LRMDA: variants seen among roughly 807,000 people sequenced by gnomAD.
LRMDA encodes leucine-rich melanocyte differentiation-associated protein.
Under a neutral mutation model 29.8 loss-of-function variants are expected in LRMDA, and 18 were observed. The ratio of observed to expected loss-of-function variants is 0.60; its 90% CI spans 0.42 to 0.90. The LOEUF is 0.90. LRMDA is among the 40% of genes least tolerant of loss of function. The pLI, the probability that LRMDA is intolerant of heterozygous loss-of-function variation, is 0.00. For missense variants in LRMDA, 273 were observed against 273.9 expected (o/e 1.00, Z 0.02); for synonymous variants, 125 against 109.4 (o/e 1.14, Z -0.89).
intron 2 of LRMDA, among the ~76,000 whole-genome samples, chr10:76,022,532 T>C (rs1847991679): frequency 6.6e-6 from 1 of 152,126 alleles, no homozygotes; most frequent in African/African-American, 2.4e-5. Flanking sequence ...CAAGGCACCA[T>C]ATCAGGGAGT....
chr10:76,230,251 CAT>C (rs1265261888), intron 5 of LRMDA, among the ~76,000 whole-genome samples: 2 of 152,164 alleles, frequency 1.3e-5, no homozygotes, highest in Admixed American at 6.5e-5. Context: ...TGCTTCCACA[CAT>C]ATTCAAGTTT....
chr10:75,728,758 G>T (rs752488079), intron 2 of LRMDA, among the ~76,000 whole-genome samples: 6 of 152,066 alleles, frequency 3.9e-5, no homozygotes, highest in Non-Finnish European at 7.4e-5. Flanking sequence ...TCTAGGGCTG[G>T]GAGGCTTGAA....
At chr10:76,216,222 G>A (rs750533771) in intron 5 of LRMDA, among the ~76,000 whole-genome samples, 2 of 152,188 alleles carry the variant, frequency 1.3e-5, no homozygotes, top group Non-Finnish European at 2.9e-5. Flanking sequence ...TGGACATGGT[G>A]GCATGTGCCT....
intron 5 of LRMDA, among the ~76,000 whole-genome samples, chr10:76,146,824 C>A (rs543380800): frequency 6.6e-6 from 1 of 152,114 alleles, no homozygotes; most frequent in Non-Finnish European, 1.5e-5. Context: ...TGGCTGGTAC[C>A]GGTCGTTCCT....
rs190578971 is a variant in LRMDA, at chr10:76,477,976, G to C, written c.602-79233G>C. 6.0e-3 allele frequency among the ~76,000 whole-genome samples: 909 copies of C among 152,040 alleles called. 12 individuals are homozygous for C. The highest frequency in any genetic ancestry group is 0.02 in the African/African-American group (830 of 41,512). On this transcript the variant is annotated intron_variant, in intron 6 of 6. Coordinates refer to ENST00000611255, the MANE Select transcript of LRMDA (RefSeq NM_001305581.2). ...AGAAGAAAACCTAGGCAATACCATT[G>C]AGGACATAGGCACGGGCAAGGACTT...
At chr10:76,469,180 C>G (rs1842594033) in intron 6 of LRMDA, among the ~76,000 whole-genome samples, 1 of 152,144 alleles carries the variant, frequency 6.6e-6, no homozygotes, top group Non-Finnish European at 1.5e-5. Context: ...GAAGGAAGCT[C>G]TCTATTACAG....
chr10:75,785,650 G>A (rs1460261328), intron 2 of LRMDA, among the ~76,000 whole-genome samples: 11 of 152,146 alleles, frequency 7.2e-5, no homozygotes, highest in Admixed American at 7.2e-4. Flanking sequence ...GTCCACATTG[G>A]GTGTGATATT....
At chr10:76,135,018 C>T (rs1850067735) in intron 5 of LRMDA, among the ~76,000 whole-genome samples, 1 of 152,174 alleles carries the variant, frequency 6.6e-6, no homozygotes, top group Non-Finnish European at 1.5e-5. Flanking sequence ...ACTCTTCCAC[C>T]AGTTTAGTTG....
chr10:76,513,996 A>G (rs910748679), intron 6 of LRMDA, among the ~76,000 whole-genome samples: 1 of 152,170 alleles, frequency 6.6e-6, no homozygotes, highest in Non-Finnish European at 1.5e-5. Context: ...AACAAATAGT[A>G]TTAGGGTAAG....
At chr10:75,575,660 A>G (rs1202157962) in intron 2 of LRMDA, among the ~76,000 whole-genome samples, 2 of 152,098 alleles carry the variant, frequency 1.3e-5, no homozygotes, top group East Asian at 1.9e-4. Flanking sequence ...TGCATTTCCA[A>G]CTGAGGTACC....
intron 2 of LRMDA, among the ~76,000 whole-genome samples, chr10:75,618,129 C>T (rs970770057): frequency 6.6e-6 from 1 of 152,042 alleles, no homozygotes; most frequent in Admixed American, 6.6e-5. Context: ...ATGCAGTTCA[C>T]CTGCTGTATT....
chr10:76,121,633 T>G (rs1372680791), intron 5 of LRMDA, among the ~76,000 whole-genome samples: 1 of 152,212 alleles, frequency 6.6e-6, no homozygotes, highest in African/African-American at 2.4e-5. Flanking sequence ...CTTGGTTTTT[T>G]GCTTCTTAGT....
chr10:75,683,739 G>A lies in LRMDA; in HGVS notation c.131+245245G>A, dbSNP rs115542844. 4.5e-3 allele frequency among the ~76,000 whole-genome samples: 679 copies of A among 152,278 alleles called. 7 individuals carry two copies. Among genetic ancestry groups the A allele is most frequent in the African/African-American group, 0.016 (652 of 41,534 alleles). ...GGACTTGTGCATGTGGAGGAGATCT[G>A]CTCTGGATAGCCTTGGCTTGGCAAA... is the stretch of plus-strand genomic sequence containing the variant. On this transcript the variant is annotated intron_variant, in intron 2 of 6. Transcript: ENST00000611255.
intron 2 of LRMDA, among the ~76,000 whole-genome samples, chr10:75,501,520 G>A (rs180944274): frequency 2.2e-4 from 34 of 152,290 alleles, no homozygotes; most frequent in Middle Eastern, 3.4e-3. Context: ...TATAGACGTG[G>A]AATGAGGTCA....
chr10:76,159,112 CG>C (rs1850596234), intron 5 of LRMDA, among the ~76,000 whole-genome samples: 1 of 152,032 alleles, frequency 6.6e-6, no homozygotes, highest in South Asian at 2.1e-4. Flanking sequence ...AAAACTGATT[CG>C]TGTTCTTTAT....
chr10:75,833,733 G>T (rs756436477), intron 2 of LRMDA, among the ~76,000 whole-genome samples: 1 of 152,102 alleles, frequency 6.6e-6, no homozygotes, highest in Non-Finnish European at 1.5e-5. Flanking sequence ...TCCATTCTTG[G>T]TGAAAATTAC....
chr10:75,997,309 T>C (rs928945933), intron 2 of LRMDA, among the ~76,000 whole-genome samples: 4 of 152,202 alleles, frequency 2.6e-5, no homozygotes, highest in Non-Finnish European at 5.9e-5. Context: ...CTTATAAACA[T>C]TTACCCATGT....
At chr10:75,727,587 C>A (rs1392800814) in intron 2 of LRMDA, among the ~76,000 whole-genome samples, 1 of 152,106 alleles carries the variant, frequency 6.6e-6, no homozygotes, top group Non-Finnish European at 1.5e-5. Context: ...TTTACAGATG[C>A]TTATTTTAAC....
At chr10:75,433,805 T>C (rs757755014) in intron 1 of LRMDA, among the ~76,000 whole-genome samples, 2 of 152,088 alleles carry the variant, frequency 1.3e-5, no homozygotes, top group African/African-American at 2.4e-5. Flanking sequence ...CAGAGACCTA[T>C]AAATCCCAAA....
Sources: allele counts gnomAD v4.1 joint callset (sites outside exome capture counted in the v4.1 genomes callset), GRCh38; gene constraint gnomAD v4.1.1; transcripts MANE v1.5; gene names NCBI Gene and HGNC (gene_info 2026-07-23, HGNC 2026-07-21).